Variants in CFHR4 observed in about 807,000 individuals in gnomAD.
CFHR4 encodes the protein complement factor H-related protein 4.
A neutral mutation model predicts 69.3 loss-of-function variants in CFHR4; 64 were observed. The ratio of observed to expected loss-of-function variants is 0.92; its 90% CI spans 0.76 to 1.14. CFHR4 has a LOEUF of 1.14. CFHR4 is among the 50% of genes most tolerant of loss of function. The probability of loss-of-function intolerance (pLI) is 0.00; values close to 1 mark genes in which losing one functional copy is unlikely to be tolerated. For missense variants in CFHR4, 636 were observed against 684.9 expected, an observed-to-expected ratio of 0.93 and a Z score of 0.80; for synonymous variants, 244 against 237.0, an observed-to-expected ratio of 1.03 and a Z score of -0.27.
intron 7 of CFHR4, among the ~76,000 whole-genome samples, chr1:196,913,551 C>T (rs955304304): frequency 2.0e-5 from 3 of 151,446 alleles, no homozygotes; most frequent in African/African-American, 7.3e-5. Context: ...CATGCTCGAC[C>T]TTTACTTATT....
rs978957900 is a variant in CFHR4, at chr1:196,895,024, C to T, written c.58+6816C>T. Among the ~76,000 whole-genome samples the T allele has an allele frequency of 4.6e-4, 69 of 151,380 alleles. 1 individual carries two copies. Among genetic ancestry groups the T allele is most frequent in the African/African-American group, 1.6e-3 (65 of 40,992 alleles). ...ACAGTAAGGTGTGATCACATCATTG[C>T]ATTCTGGCCTGGGTGCCAGAGCATG... On this transcript the variant is annotated intron_variant, in intron 1 of 9. Transcript: ENST00000608469.
intron 4 of CFHR4, 132 bp downstream of exon 4, chr1:196,907,169 C>G (rs1657958512): frequency 2.0e-5 from 24 of 1,189,766 alleles, no homozygotes; most frequent in South Asian, 2.8e-5. Context: ...GTGTGAATTA[C>G]CTTGAAACTT....
In CFHR4 at chr1:196,902,487, A is replaced by G. The variant is rs202234955; in HGVS notation, c.128A>G (p.Tyr43Cys). The G allele has an allele frequency of 2.5e-6, 4 of 1,611,862 alleles. No homozygotes were observed. The highest frequency in any genetic ancestry group is 2.2e-5 in the South Asian group (2 of 91,028). The change falls in exon 2 of 10, where the codon TAC (tyrosine) becomes TGC (cysteine). Residue 43 changes from tyrosine (Y) to cysteine (C), a missense_variant. Coordinates refer to ENST00000608469, the MANE Select transcript of CFHR4 (RefSeq NM_001201550.3). Reference sequence around the variant, plus strand: ...TATTATAAGAGTTTGCGTAGACTATACTTTCCAGCAGCTGCAGGACAATCT... The same window carrying G: ...TATTATAAGAGTTTGCGTAGACTATGCTTTCCAGCAGCTGCAGGACAATCT... ...GLYYKSLRRL[Y>C]FPAAAGQSYS... is the part of the protein sequence containing the mutation.
intron 1 of CFHR4, among the ~76,000 whole-genome samples, chr1:196,893,763 T>A (rs1657148384): frequency 6.6e-6 from 1 of 151,560 alleles, no homozygotes; most frequent in Non-Finnish European, 1.5e-5. Flanking sequence ...TGTAAAAGAT[T>A]TACCAACACA....
At chr1:196,909,532 A>C (rs953965075) in intron 5 of CFHR4, among the ~76,000 whole-genome samples, 2 of 151,586 alleles carry the variant, frequency 1.3e-5, no homozygotes, top group Admixed American at 1.3e-4. Context: ...TGGATTTCAA[A>C]AGTGATATGT....
Position 196,899,589 on chromosome 1 carries a change from A to T in CFHR4, c.59-2829A>T, listed in dbSNP as rs540532256. On this transcript the variant is annotated intron_variant, in intron 1 of 9. Coordinates refer to ENST00000608469, the MANE Select transcript of CFHR4 (RefSeq NM_001201550.3). Reference sequence around the variant, plus strand: ...GGATTATCGTGCCCAAACCCAGATGAATTGTCAAAAGCATGAGTTCTTAAG... The same window carrying T: ...GGATTATCGTGCCCAAACCCAGATGTATTGTCAAAAGCATGAGTTCTTAAG... Among the ~76,000 whole-genome samples, 8 of 151,678 alleles carry T rather than the reference A, an allele frequency of 5.3e-5. 1 individual carries two copies. Among genetic ancestry groups the T allele is most frequent in the African/African-American group, 1.9e-4 (8 of 41,202 alleles).
chr1:196,893,949 C>A (rs1469950435), intron 1 of CFHR4, among the ~76,000 whole-genome samples: 2 of 151,486 alleles, frequency 1.3e-5, no homozygotes, highest in Admixed American at 1.3e-4. Context: ...CTATGTGCTT[C>A]CATGATAACT....
chr1:196,900,820 T>G (rs1242396640), intron 1 of CFHR4, among the ~76,000 whole-genome samples: 1 of 151,310 alleles, frequency 6.6e-6, no homozygotes, highest in Admixed American at 6.6e-5. Context: ...AATGAGGCAT[T>G]TTAAGCTCAA....
At chr1:196,888,320 A>G in intron 1 of CFHR4, 112 bp downstream of exon 1, 3 of 1,024,166 alleles carry the variant, frequency 2.9e-6, no homozygotes, top group Non-Finnish European at 4.4e-6. Context: ...TATATTCACT[A>G]TGCTAGCAGA....
intron 7 of CFHR4, among the ~76,000 whole-genome samples, chr1:196,913,541 C>T (rs1331285679): frequency 6.6e-6 from 1 of 151,490 alleles, no homozygotes; most frequent in Admixed American, 6.6e-5. Context: ...GTTCTCTGAA[C>T]ATGCTCGACC....
chr1:196,912,155 A>T (rs1658308942), intron 6 of CFHR4, among the ~76,000 whole-genome samples: 1 of 151,338 alleles, frequency 6.6e-6, no homozygotes, highest in Non-Finnish European at 1.5e-5. Context: ...CATTGCTAAT[A>T]TATTAGAACT....
At chr1:196,895,202 C>T (rs960103679) in intron 1 of CFHR4, among the ~76,000 whole-genome samples, 1 of 151,450 alleles carries the variant, frequency 6.6e-6, no homozygotes, top group Non-Finnish European at 1.5e-5. Context: ...CACTGCACTC[C>T]TCCCTGGGTG....
In CFHR4 at chr1:196,900,174, C is replaced by T. The variant is rs539532248; in HGVS notation, c.59-2244C>T. ...AAAAATTAGTGAGTATTTTAATCAACGTTAAGGTCAGTTTGAGTTAACATT... is the reference window on the plus strand; with the variant it reads ...AAAAATTAGTGAGTATTTTAATCAATGTTAAGGTCAGTTTGAGTTAACATT... On this transcript the variant is annotated intron_variant, in intron 1 of 9. Transcript: ENST00000608469. 6.6e-5 allele frequency among the ~76,000 whole-genome samples: 10 copies of T among 151,468 alleles called. No homozygotes were observed. In the South Asian group the frequency reaches 1.0e-3, roughly 16 times the overall value.
chr1:196,902,684 A>G (rs1348769063), intron 2 of CFHR4, 69 bp downstream of exon 2: 1 of 1,201,066 alleles, frequency 8.3e-7, no homozygotes, highest in African/African-American at 1.5e-5. Flanking sequence ...CAAATAAATG[A>G]TTATATTGTC....
chr1:196,891,156 G>A (rs1389336823), intron 1 of CFHR4, among the ~76,000 whole-genome samples: 1 of 151,370 alleles, frequency 6.6e-6, no homozygotes, highest in East Asian at 1.9e-4. Context: ...GGAGCCTGAG[G>A]CAGGAGAATC....
intron 1 of CFHR4, among the ~76,000 whole-genome samples, chr1:196,897,649 C>A (rs543677397): frequency 6.6e-6 from 1 of 151,514 alleles, no homozygotes; most frequent in Admixed American, 6.6e-5. Flanking sequence ...TCTCCGACCT[C>A]CCCTAGCGGA....
intron 1 of CFHR4, among the ~76,000 whole-genome samples, chr1:196,894,616 T>G (rs1657194652): frequency 1.3e-5 from 2 of 151,510 alleles, no homozygotes; most frequent in South Asian, 4.2e-4. Flanking sequence ...CTTTTAGCGT[T>G]TTGAACATAT....
At chr1:196,906,556 A>T (rs991866935) in intron 3 of CFHR4, among the ~76,000 whole-genome samples, 3 of 151,580 alleles carry the variant, frequency 2.0e-5, no homozygotes, top group South Asian at 2.1e-4. Context: ...CATTATAGTG[A>T]TAAAGGTAGA....
At chr1:196,888,232 C>T (rs761581191) in intron 1 of CFHR4, 24 bp downstream of exon 1, 1 of 1,605,742 alleles carries the variant, frequency 6.2e-7, no homozygotes, top group South Asian at 1.1e-5. Flanking sequence ...GATCTAAACA[C>T]TCAGCTTCCC....
Sources: gnomAD v4.1 joint callset for allele counts (sites outside exome capture counted in the v4.1 genomes callset) on GRCh38, gnomAD v4.1.1 for gene constraint, MANE v1.5 for transcripts, NCBI Gene and HGNC (gene_info 2026-07-23, HGNC 2026-07-21) for gene names.